The following ZYG11B variants were observed in gnomAD, a reference collection of about 807,000 sequenced individuals.
The protein encoded by ZYG11B is zyg-11 family member B, cell cycle regulator, also known as protein zyg-11 homolog B.
In ZYG11B, 36 loss-of-function variants were observed where a neutral mutation model predicts 82.4. The observed-to-expected ratio is 0.44, with a 90% confidence interval of 0.33 to 0.58. The LOEUF is 0.58. Among genes scored for constraint, ZYG11B ranks in the 20% least tolerant of loss-of-function variants. The pLI is 0.02. For synonymous variants in ZYG11B, 303 were observed against 312.8 expected, an observed-to-expected ratio of 0.97 and a Z score of 0.33; for missense variants, 552 against 895.6, an observed-to-expected ratio of 0.62 and a Z score of 4.90.
intron 4 of ZYG11B, among the ~76,000 whole-genome samples, chr1:52,783,805 T>TATATGTAC: frequency 7.4e-6 from 1 of 135,018 alleles, no homozygotes; most frequent in East Asian, 2.3e-4. Context: ...TATATATATA[T>TATATGTAC]ACACACACAC....
intron 1 of ZYG11B, among the ~76,000 whole-genome samples, chr1:52,730,546 A>G (rs1644321666): frequency 1.3e-5 from 2 of 152,208 alleles, no homozygotes; most frequent in African/African-American, 2.4e-5. Flanking sequence ...CCAGGCTGGT[A>G]CCAAACTTCT....
intron 4 of ZYG11B, among the ~76,000 whole-genome samples, chr1:52,783,353 G>A (rs953546085): frequency 6.6e-6 from 1 of 152,090 alleles, no homozygotes; most frequent in Non-Finnish European, 1.5e-5. Flanking sequence ...TATCTTGTTT[G>A]TATCCTGATA....
chr1:52,771,274 G>A lies in ZYG11B; in HGVS notation c.451G>A (p.Glu151Lys). 6.2e-7 allele frequency: 1 copy of A among 1,614,176 alleles called. No individual in the cohort carries two copies. The highest frequency in any genetic ancestry group is 8.5e-7 in the Non-Finnish European group (1 of 1,180,032). Residue 151 changes from glutamate (E) to lysine (K), a missense_variant, in exon 3 of 14, where the codon GAG (glutamate) becomes AAG (lysine). This residue lies in a region of ZYG11B where 359 missense variants were observed against 555.8 expected (regional missense o/e 0.65). Transcript: ENST00000294353. The surrounding 1 kb of genome is among the most constrained non-coding windows in gnomAD (Gnocchi z 5.4). ...LVLNSLTLSL[E>K]DPYERCFSRL... Reference sequence around the variant, plus strand: ...GCTGAATTCATTAACTCTCTCCCTCGAGGATCCTTACGAGCGCTGCTTCAG... The same window carrying A: ...GCTGAATTCATTAACTCTCTCCCTCAAGGATCCTTACGAGCGCTGCTTCAG...
At chr1:52,782,810 A>C (rs1644867785) in intron 4 of ZYG11B, among the ~76,000 whole-genome samples, 1 of 151,226 alleles carries the variant, frequency 6.6e-6, no homozygotes, top group Non-Finnish European at 1.5e-5. Context: ...TTGTAGAGGC[A>C]GGTTCTTGCT....
At chr1:52,806,140 G>C (rs181574487) in intron 10 of ZYG11B, among the ~76,000 whole-genome samples, 9 of 151,940 alleles carry the variant, frequency 5.9e-5, no homozygotes, top group Admixed American at 3.3e-4. Flanking sequence ...GCTTTGTTTG[G>C]TTTGAGTCCT....
At chr1:52,779,330 C>T (rs75428915) in intron 3 of ZYG11B, among the ~76,000 whole-genome samples, 2,860 of 152,182 alleles carry the variant, frequency 0.019, 92 homozygotes, top group African/African-American at 0.066. Flanking sequence ...CAGAAAATTT[C>T]GCCCATGGTC....
intron 1 of ZYG11B, among the ~76,000 whole-genome samples, chr1:52,745,480 ACTT>A (rs1385065442): frequency 1.3e-5 from 2 of 152,104 alleles, no homozygotes; most frequent in Non-Finnish European, 2.9e-5. Context: ...ATTCATACTT[ACTT>A]CTTACTCAGT....
rs548797925 is a variant in ZYG11B, at chr1:52,737,538, G to A, written c.30+10855G>A. Among the ~76,000 whole-genome samples the A allele has an allele frequency of 3.5e-4, 54 of 152,166 alleles. 1 individual carries two copies. In the South Asian group the frequency reaches 8.9e-3, roughly 25 times the overall value. The stretch of plus-strand genomic sequence containing the variant: ...TCTCAGCACTTTGGGAGGCCGAGGC[G>A]GGCGGATCACCTGAGGTCAGGAGTT... On this transcript the variant is annotated intron_variant, in intron 1 of 13. Coordinates refer to ENST00000294353, the MANE Select transcript of ZYG11B (RefSeq NM_024646.3).
intron 6 of ZYG11B, among the ~76,000 whole-genome samples, chr1:52,792,857 T>C (rs1330089153): frequency 6.6e-6 from 1 of 152,210 alleles, no homozygotes; most frequent in African/African-American, 2.4e-5. Context: ...ATTTATTTAT[T>C]GAGACAGAGT....
At chr1:52,815,545 G>A (rs1645216230) in intron 12 of ZYG11B, among the ~76,000 whole-genome samples, 1 of 152,000 alleles carries the variant, frequency 6.6e-6, no homozygotes, top group Non-Finnish European at 1.5e-5. Context: ...GCTTGAGCCT[G>A]GAAGGTTGAG....
chr1:52,807,637 G>A (rs998491943), intron 10 of ZYG11B, among the ~76,000 whole-genome samples: 10 of 151,680 alleles, frequency 6.6e-5, no homozygotes, highest in South Asian at 2.1e-4. Context: ...AATTATAGGC[G>A]CACACTACCA....
At chr1:52,790,899 G>A (rs578237403) in intron 6 of ZYG11B, among the ~76,000 whole-genome samples, 8 of 150,108 alleles carry the variant, frequency 5.3e-5, no homozygotes, top group Admixed American at 2.0e-4. Flanking sequence ...AAATATAAAG[G>A]GGTCCTTTGT....
At chr1:52,770,981 CTG>C in intron 2 of ZYG11B, 37 bp from the exon 3 acceptor site, 1 of 1,565,224 alleles carries the variant, frequency 6.4e-7, no homozygotes, top group Middle Eastern at 1.7e-4. Context: ...TATTCTTTAA[CTG>C]TTTTTTGAAT....
chr1:52,821,570 AT>A lies in ZYG11B; in HGVS notation c.2178del (p.Ile726MetfsTer18), dbSNP rs757042265. ...VAILDSLEKH[I>X]VRHGRPPPCK... is the part of the protein sequence containing the mutation. ...CATTCTGGATAGCTTAGAAAAACAC[AT>A]TGTGCGCCATGGGAGGCCACCTCCC... On this transcript the variant is annotated frameshift_variant, in exon 14 of 14. Transcript: ENST00000294353. LOFTEE classifies it high-confidence loss of function. The A allele has an allele frequency of 9.9e-6, 16 of 1,614,034 alleles. 1 individual carries two copies. Among genetic ancestry groups the A allele is most frequent in the Non-Finnish European group, 3.4e-6 (4 of 1,180,018 alleles).
intron 2 of ZYG11B, among the ~76,000 whole-genome samples, chr1:52,759,419 A>G (rs534160151): frequency 5.7e-4 from 87 of 152,238 alleles, no homozygotes; most frequent in Non-Finnish European, 1.0e-3. Context: ...CTTTATATGG[A>G]TAAGATAATA....
chr1:52,770,928 A>C, intron 2 of ZYG11B, 92 bp from the exon 3 acceptor site: 1 of 1,354,112 alleles, frequency 7.4e-7, no homozygotes, highest in East Asian at 2.3e-5. Flanking sequence ...ATACTGTTAC[A>C]TGGGAGCGCT....
chr1:52,796,214 C>G, intron 6 of ZYG11B, 78 bp from the exon 7 acceptor site: 1 of 1,016,672 alleles, frequency 9.8e-7, no homozygotes, highest in Non-Finnish European at 1.5e-6. Flanking sequence ...TAAGTTGTAG[C>G]ATCAGTTCCT....
At position 52,822,266 on chromosome 1, in the gene ZYG11B, C is replaced by G. The variant is rs961520372; in HGVS notation, c.*637C>G. The G allele has an allele frequency of 2.6e-5, 4 of 152,306 alleles. No individual in the cohort carries two copies. The highest frequency in any genetic ancestry group is 5.9e-5 in the Non-Finnish European group (4 of 68,032). 9.4% of individuals were successfully genotyped at this position (152,306 alleles called of 1,614,324 possible). ...AGGTTTTAAAATGAGACAGGCTACC[C>G]TTCGGGAGTCCACCTCTCTTGAGGC... On this transcript the variant is annotated 3_prime_UTR_variant, in exon 14 of 14. Transcript: ENST00000294353.
chr1:52,742,366 C>G (rs532814364), intron 1 of ZYG11B, among the ~76,000 whole-genome samples: 1 of 151,658 alleles, frequency 6.6e-6, no homozygotes, highest in African/African-American at 2.4e-5. Context: ...GTGGGAGGAT[C>G]TCTTGAGCCT....
Sources: allele counts gnomAD v4.1 joint callset (sites outside exome capture counted in the v4.1 genomes callset), GRCh38; gene constraint gnomAD v4.1.1; regional missense constraint gnomAD v4.1.1; non-coding constraint Gnocchi (gnomAD v3.1); transcripts MANE v1.5; gene names NCBI Gene and HGNC (gene_info 2026-07-23, HGNC 2026-07-21).